Variants in DLG4 observed in about 807,000 individuals in gnomAD.
DLG4 encodes the protein discs large MAGUK scaffold protein 4, also known as disks large homolog 4.
DLG4 carries 7 observed loss-of-function variants against 93.8 expected under a neutral mutation model. That is an observed-to-expected ratio of 0.07 (90% CI 0.04 to 0.14). The LOEUF (loss-of-function observed/expected upper bound fraction) is 0.14, where lower values mean the gene tolerates loss of function less well. DLG4 is among the 10% of genes least tolerant of loss of function. The pLI, the probability that DLG4 is intolerant of heterozygous loss-of-function variation, is 1.00. For missense variants in DLG4, 545 were observed against 992.9 expected (o/e 0.55, Z 6.06); for synonymous variants, 341 against 387.6 (o/e 0.88, Z 1.41).
intron 17 of DLG4, among the ~76,000 whole-genome samples, chr17:7,192,734 G>A (rs1237624027): frequency 2.0e-5 from 3 of 151,898 alleles, no homozygotes; most frequent in Non-Finnish European, 1.5e-5. Flanking sequence ...TGGGGAATTT[G>A]GGGTCAGGAA....
At chr17:7,205,534 ACTG>A (rs2070418543) in intron 2 of DLG4, among the ~76,000 whole-genome samples, 2 of 151,898 alleles carry the variant, frequency 1.3e-5, no homozygotes, top group Non-Finnish European at 2.9e-5. Flanking sequence ...CCCCTCTCCT[ACTG>A]CTATTTCTCA....
chr17:7,203,628 T>C lies in DLG4; in HGVS notation c.336-35A>G. On this transcript the variant is annotated intron_variant, in intron 5 of 19. Transcript: ENST00000399506. The surrounding 1 kb of genome is among the most constrained non-coding windows in gnomAD (Gnocchi z 7.2). ...GCAAGGTGGGCCTGAGCCAAGAGCT[T>C]CCTGCTGCCCTGGCCCTCCCTCTCC... The C allele has an allele frequency of 6.2e-7, 1 of 1,609,284 alleles. No individual in the cohort carries two copies.
chr17:7,190,371 T>G lies in DLG4; in HGVS notation c.*337A>C. On this transcript the variant is annotated 3_prime_UTR_variant, in exon 20 of 20. Coordinates refer to ENST00000399506, the MANE Select transcript of DLG4 (RefSeq NM_001321075.3). ...AGGGGGCCCTGACTTCTGGAATGTG[T>G]GTGGGAGAGGATGGGGGAGGGCAGG... 2.9e-6 allele frequency: 1 copy of G among 344,516 alleles called. No homozygotes were observed. The allele number at this position is 344,516 out of a possible 1,614,324, so 21.3% of individuals were successfully genotyped here.
chr17:7,196,296 C>T lies in DLG4; in HGVS notation c.1225G>A (p.Glu409Lys). 1 of 1,613,992 alleles carries T rather than the reference C, an allele frequency of 6.2e-7. No homozygotes were observed. The highest frequency in any genetic ancestry group is 8.5e-7 in the Non-Finnish European group (1 of 1,179,882). Residue 409 changes from glutamate (E) to lysine (K), a missense_variant, in exon 11 of 20, where the codon GAA becomes AAA. By Grantham distance (56) the Glu-to-Lys change is moderately conservative. This residue lies in a region of DLG4 where 428 missense variants were observed against 741.4 expected (regional missense o/e 0.58). Transcript: ENST00000399506. This position sits in a 1 kb window ranked among gnomAD's most constrained non-coding sequence, Gnocchi z 8.3. The stretch of plus-strand genomic sequence containing the variant: ...CCCAGGCTGCTGTTCATGAGCTGTT[C>T]CCGAAGGTCGTGGATCTTGGCCTCG... The part of the protein sequence containing the change: ...RFEAKIHDLR[E>K]QLMNSSLGSG...
chr17:7,218,839 C>T (rs1206370933), upstream of DLG4: 1 of 1,613,732 alleles, frequency 6.2e-7, no homozygotes, highest in Admixed American at 1.7e-5. Flanking sequence ...ACCTCTTGGT[C>T]TCTGGGACAT....
intron 1 of DLG4, among the ~76,000 whole-genome samples, chr17:7,210,059 G>T (rs377297231): frequency 6.6e-6 from 1 of 152,112 alleles, no homozygotes; most frequent in Non-Finnish European, 1.5e-5. Flanking sequence ...AAAAGAGAGA[G>T]GGCGAGCAGA....
intron 1 of DLG4, among the ~76,000 whole-genome samples, chr17:7,212,050 C>A (rs1402718433): frequency 6.6e-6 from 1 of 152,100 alleles, no homozygotes; most frequent in Non-Finnish European, 1.5e-5. Context: ...TCCATCCCAT[C>A]TAATCCCCCA....
At chr17:7,207,122 TAGAA>T (rs1315045582) in intron 2 of DLG4, among the ~76,000 whole-genome samples, 6 of 146,590 alleles carry the variant, frequency 4.1e-5, no homozygotes, top group Non-Finnish European at 7.4e-5. Context: ...CAGAGGGGGA[TAGAA>T]AGAAGATATG....
At chr17:7,216,262 G>C (rs970622104) in intron 1 of DLG4, among the ~76,000 whole-genome samples, 2 of 152,094 alleles carry the variant, frequency 1.3e-5, no homozygotes, top group Admixed American at 1.3e-4. Context: ...ATCAGGGCTA[G>C]ATACAGTGTG....
In DLG4 at chr17:7,203,059, G is replaced by A. The variant is rs200489612; in HGVS notation, c.643-12C>T. On this transcript the variant is annotated splice_polypyrimidine_tract_variant and intron_variant, in intron 7 of 19. Transcript: ENST00000399506. The surrounding 1 kb of genome is among the most constrained non-coding windows in gnomAD (Gnocchi z 7.2). ...CCCACACTGTTGACCTGGAGTCAAG[G>A]AAAGCAAAGCTCAGACAAAGCCACA... The A allele has an allele frequency of 4.4e-3, 7,035 of 1,596,550 alleles. 17 individuals carry two copies. Among genetic ancestry groups the A allele is most frequent in the Non-Finnish European group, 5.5e-3 (6,428 of 1,165,688 alleles).
chr17:7,205,787 C>T (rs1391324538), intron 2 of DLG4, among the ~76,000 whole-genome samples: 1 of 143,962 alleles, frequency 6.9e-6, no homozygotes, highest in Admixed American at 7.0e-5. Flanking sequence ...CATCCCGCAG[C>T]CCGTCCCCCA....
rs372971791 is a variant in DLG4 at position 7,196,724 on chromosome 17, G to A, written c.1083+33C>T. The stretch of plus-strand genomic sequence containing the variant: ...CTCTGCGCTCTGCCCTGTGGGGAGG[G>A]GGTGGTGCAGGTAGGGGCAGGCCTT... On this transcript the variant is annotated intron_variant, in intron 9 of 19. Transcript: ENST00000399506. This position sits in a 1 kb window ranked among gnomAD's most constrained non-coding sequence, Gnocchi z 8.3. 7.9e-5 allele frequency: 125 copies of A among 1,586,458 alleles called. No individual in the cohort carries two copies. In the African/African-American group the frequency reaches 1.6e-3, roughly 20 times the overall value.
At position 7,195,801 on chromosome 17, in the gene DLG4, T is replaced by G. The variant is rs2069746320; in HGVS notation, c.1301+419A>C. Among the ~76,000 whole-genome samples, 1 of 152,006 alleles carries G rather than the reference T, an allele frequency of 6.6e-6. No homozygotes were observed. Among genetic ancestry groups the G allele is most frequent in the South Asian group, 2.1e-4 (1 of 4,818 alleles). Reference sequence around the variant, plus strand: ...GACGAGCCCTAAGAGGGGAGCAAAATGCCGCTGGAGAGACGGGGGCAGGCA... The same window carrying G: ...GACGAGCCCTAAGAGGGGAGCAAAAGGCCGCTGGAGAGACGGGGGCAGGCA... On this transcript the variant is annotated intron_variant, in intron 11 of 19. Coordinates refer to ENST00000399506, the MANE Select transcript of DLG4 (RefSeq NM_001321075.3). This position sits in a 1 kb window ranked among gnomAD's most constrained non-coding sequence, Gnocchi z 4.3.
chr17:7,204,282 G>T (rs2070337320), intron 2 of DLG4, 30 bp from the exon 3 acceptor site: 1 of 1,557,776 alleles, frequency 6.4e-7, no homozygotes, highest in African/African-American at 1.4e-5. Flanking sequence ...ACAAAAAGCA[G>T]CCTGAGCCTT....
chr17:7,212,857 A>G (rs2070761186), intron 1 of DLG4, among the ~76,000 whole-genome samples: 2 of 151,816 alleles, frequency 1.3e-5, no homozygotes, highest in Admixed American at 1.3e-4. Context: ...AGATGGTGAA[A>G]CCCCATCTCT....
chr17:7,211,521 G>C (rs916778826), intron 1 of DLG4: 1 of 180,844 alleles, frequency 5.5e-6, no homozygotes, highest in East Asian at 1.9e-4. Context: ...GACCCACGGC[G>C]CCTGTCCACG....
In DLG4 at chr17:7,193,827, G is replaced by T. The variant is rs762608090; in HGVS notation, c.1543+17C>A. 1 of 1,612,878 alleles carries T rather than the reference G, an allele frequency of 6.2e-7. No homozygotes were observed. Among genetic ancestry groups the T allele is most frequent in the Non-Finnish European group, 8.5e-7 (1 of 1,179,456 alleles). On this transcript the variant is annotated intron_variant, in intron 14 of 19. Transcript: ENST00000399506. This position sits in a 1 kb window ranked among gnomAD's most constrained non-coding sequence, Gnocchi z 6.7. Reference sequence around the variant, plus strand: ...GTGCTCCTCTCACCCACATCTTCCCGAACTAACCCTACCTACCCTGCGATC... The same window carrying T: ...GTGCTCCTCTCACCCACATCTTCCCTAACTAACCCTACCTACCCTGCGATC...
chr17:7,192,089 G>A (rs1002724030), intron 17 of DLG4, 87 bp from the exon 18 acceptor site: 1 of 710,170 alleles, frequency 1.4e-6, no homozygotes, highest in Non-Finnish European at 2.2e-6. Flanking sequence ...GACGGGGAGA[G>A]GTGGGGAATG....
chr17:7,204,348 C>T (rs1418689818), intron 2 of DLG4, 96 bp from the exon 3 acceptor site: 3 of 1,268,798 alleles, frequency 2.4e-6, no homozygotes, highest in Non-Finnish European at 1.1e-6. Context: ...CCCTTTCAGC[C>T]TCTTAGCCAA....
Sources: gnomAD v4.1 joint callset for allele counts (sites outside exome capture counted in the v4.1 genomes callset) on GRCh38, gnomAD v4.1.1 for gene constraint, gnomAD v4.1.1 regional missense constraint, Gnocchi (gnomAD v3.1) non-coding constraint, MANE v1.5 for transcripts, NCBI Gene and HGNC (gene_info 2026-07-23, HGNC 2026-07-21) for gene names.